GRB10: variants seen among roughly 807,000 people sequenced by gnomAD.
The protein encoded by GRB10 is growth factor receptor-bound protein 10.
In GRB10, 20 loss-of-function variants were observed where a neutral mutation model predicts 80.9. The ratio of observed to expected loss-of-function variants is 0.25; its 90% CI spans 0.17 to 0.36. GRB10 has a LOEUF of 0.36. Among genes scored for constraint, GRB10 ranks in the 10% least tolerant of loss-of-function variants. The pLI is 1.00. For synonymous variants in GRB10, 291 were observed against 291.5 expected, an observed-to-expected ratio of 1.00 and a Z score of 0.02; for missense variants, 548 against 747.7, an observed-to-expected ratio of 0.73 and a Z score of 3.12.
intron 1 of GRB10, among the ~76,000 whole-genome samples, chr7:50,789,939 G>A (rs887804153): frequency 6.6e-6 from 1 of 152,130 alleles, no homozygotes; most frequent in African/African-American, 2.4e-5. Context: ...GCCTTTCCAC[G>A]AGTAAGCGGG....
chr7:50,747,929 T>A (rs1297549702), intron 3 of GRB10, among the ~76,000 whole-genome samples: 1 of 151,866 alleles, frequency 6.6e-6, no homozygotes, highest in Non-Finnish European at 1.5e-5. Context: ...GAAGGCAAGA[T>A]GCATGCACAG....
At chr7:50,692,523 G>A (rs6976501) in intron 5 of GRB10, among the ~76,000 whole-genome samples, 104,275 of 151,872 alleles carry the variant, frequency 0.69, 37,910 homozygotes, top group East Asian at 0.91. Context: ...GCTAGGGACC[G>A]GTTTCTACCT....
In GRB10 at chr7:50,703,824, G is replaced by A. The variant is rs1349846767; in HGVS notation, c.136C>T (p.Gln46Ter). Residue 46 changes from glutamine to a stop codon, truncating the protein, a stop_gained, in exon 5 of 19, where the codon CAG (glutamine) becomes TAG (stop). Coordinates refer to ENST00000401949, the MANE Select transcript of GRB10 (RefSeq NM_001350814.2). LOFTEE classifies it high-confidence loss of function. ...TTGTGTTTTGCTCATTCCTTACCCT[G>A]GTGATTCGCAAGTCGGTCAGACTGT... ...PAQSDRLANH[Q>*]EDDVDLEALV... The A allele has an allele frequency of 1.2e-6, 2 of 1,611,336 alleles. No individual in the cohort carries two copies. Among genetic ancestry groups the A allele is most frequent in the East Asian group, 2.2e-5 (1 of 44,826 alleles).
chr7:50,790,687 C>G (rs1049315334), intron 1 of GRB10, among the ~76,000 whole-genome samples: 1 of 152,246 alleles, frequency 6.6e-6, no homozygotes, highest in African/African-American at 2.4e-5. Flanking sequence ...TTCTCTTCCC[C>G]TTGCAGTTAA....
intron 7 of GRB10, among the ~76,000 whole-genome samples, chr7:50,659,252 G>C (rs922973834): frequency 2.0e-5 from 3 of 152,168 alleles, no homozygotes; most frequent in Admixed American, 2.0e-4. Flanking sequence ...CAAACTTACT[G>C]AACCTGCATG....
At chr7:50,641,368 T>G (rs1020581227) in intron 7 of GRB10, among the ~76,000 whole-genome samples, 2 of 152,102 alleles carry the variant, frequency 1.3e-5, no homozygotes, top group African/African-American at 4.8e-5. Context: ...CCATTCAACA[T>G]TGCACCAAGA....
At chr7:50,660,661 G>A (rs1044287520) in intron 7 of GRB10, among the ~76,000 whole-genome samples, 1 of 152,178 alleles carries the variant, frequency 6.6e-6, no homozygotes, top group African/African-American at 2.4e-5. Context: ...TCCGTTGGGA[G>A]ACAGGAGCCA....
chr7:50,645,694 C>A, intron 7 of GRB10: 1 of 814,758 alleles, frequency 1.2e-6, no homozygotes, highest in Non-Finnish European at 1.5e-6. Flanking sequence ...TGGGGTCTGT[C>A]CATTTGCTCC....
intron 5 of GRB10, among the ~76,000 whole-genome samples, chr7:50,692,213 T>TTTGA (rs1056770749): frequency 3.9e-5 from 6 of 152,108 alleles, no homozygotes; most frequent in Admixed American, 1.3e-4. Flanking sequence ...ACTATGCCAT[T>TTTGA]TTACATCAGG....
intron 12 of GRB10, among the ~76,000 whole-genome samples, chr7:50,614,066 T>C (rs911178770): frequency 1.2e-4 from 19 of 152,208 alleles, no homozygotes; most frequent in African/African-American, 4.6e-4. Context: ...GTAAATATCA[T>C]CTACCATTAT....
At position 50,653,097 on chromosome 7, in the gene GRB10, C is replaced by T. The variant is rs541758514; in HGVS notation, c.504+16625G>A. ...ATATACCAGGGCCCACTTCACACTCCCCCCTGCTGGCCTCTGTGCCCTTCT... is the reference window on the plus strand; with the variant it reads ...ATATACCAGGGCCCACTTCACACTCTCCCCTGCTGGCCTCTGTGCCCTTCT... On this transcript the variant is annotated intron_variant, in intron 7 of 18. Transcript: ENST00000401949. Among the ~76,000 whole-genome samples the T allele has an allele frequency of 2.6e-5, 4 of 152,310 alleles. No homozygotes were observed. The East Asian group carries it at 5.8e-4, about 22-fold the overall frequency.
At chr7:50,771,396 G>A (rs1311889713) in intron 2 of GRB10, among the ~76,000 whole-genome samples, 3 of 152,208 alleles carry the variant, frequency 2.0e-5, no homozygotes, top group Non-Finnish European at 4.4e-5. Flanking sequence ...ATTCTGGCAA[G>A]ATGCATAGCT....
intron 3 of GRB10, among the ~76,000 whole-genome samples, chr7:50,746,632 C>G (rs74944169): frequency 0.012 from 1,808 of 152,284 alleles, 31 homozygotes; most frequent in African/African-American, 0.041. Flanking sequence ...TGCTGCAAAT[C>G]TTCATTCACC....
chr7:50,596,590 C>T (rs923483654), intron 17 of GRB10, among the ~76,000 whole-genome samples: 1 of 152,212 alleles, frequency 6.6e-6, no homozygotes, highest in Non-Finnish European at 1.5e-5. Flanking sequence ...TGAACTGCGT[C>T]GTCAATGTTA....
intron 15 of GRB10, 36 bp downstream of exon 15, chr7:50,605,254 G>C (rs573859971): frequency 2.0e-5 from 30 of 1,504,984 alleles, no homozygotes; most frequent in African/African-American, 4.1e-5. Flanking sequence ...CCACCTTGAG[G>C]GTGCCCCTCC....
intron 2 of GRB10, among the ~76,000 whole-genome samples, chr7:50,763,458 G>C (rs188542225): frequency 3.3e-4 from 50 of 152,202 alleles, no homozygotes; most frequent in African/African-American, 1.2e-3. Flanking sequence ...CGCTGGAGTG[G>C]GGGCAGCAGC....
intron 1 of GRB10, among the ~76,000 whole-genome samples, chr7:50,788,771 C>G (rs531512499): frequency 6.6e-6 from 1 of 152,344 alleles, no homozygotes; most frequent in African/African-American, 2.4e-5. Context: ...AGGGGCACAT[C>G]AGCCTGACCA....
chr7:50,675,343 C>A (rs561569854), intron 5 of GRB10, among the ~76,000 whole-genome samples: 2 of 152,234 alleles, frequency 1.3e-5, no homozygotes, highest in South Asian at 4.1e-4. Context: ...AGAGAGAGAG[C>A]GGCGGAAAAC....
intron 2 of GRB10, among the ~76,000 whole-genome samples, chr7:50,778,027 G>T (rs770409920): frequency 1.3e-5 from 2 of 151,940 alleles, no homozygotes; most frequent in African/African-American, 4.8e-5. Context: ...CATGGTACAC[G>T]TATACCTATG....
Sources: allele counts gnomAD v4.1 joint callset (sites outside exome capture counted in the v4.1 genomes callset), GRCh38; gene constraint gnomAD v4.1.1; transcripts MANE v1.5; gene names NCBI Gene and HGNC (gene_info 2026-07-23, HGNC 2026-07-21).